The following PLEKHA5 variants were observed in gnomAD, a reference collection of about 807,000 sequenced individuals.
PLEKHA5 encodes the protein pleckstrin homology domain containing A5.
Under a neutral mutation model 181.9 loss-of-function variants are expected in PLEKHA5, and 55 were observed. That is an observed-to-expected ratio of 0.30 (90% CI 0.24 to 0.38). PLEKHA5 has a LOEUF of 0.38. PLEKHA5 is among the 10% of genes least tolerant of loss of function. The probability of loss-of-function intolerance (pLI) is 1.00; values close to 1 mark genes in which losing one functional copy is unlikely to be tolerated. For missense variants in PLEKHA5, 1,432 were observed against 1,549.5 expected, an observed-to-expected ratio of 0.92 and a Z score of 1.27; for synonymous variants, 535 against 529.4, an observed-to-expected ratio of 1.01 and a Z score of -0.15.
At chr12:19,165,168 T>C (rs2044016149) in intron 3 of PLEKHA5, among the ~76,000 whole-genome samples, 1 of 152,164 alleles carries the variant, frequency 6.6e-6, no homozygotes, top group Non-Finnish European at 1.5e-5. Context: ...AAAATTTCTT[T>C]TCTTGATGGG....
At chr12:19,250,193 T>C (rs1377027547) in intron 3 of PLEKHA5, among the ~76,000 whole-genome samples, 1 of 152,142 alleles carries the variant, frequency 6.6e-6, no homozygotes, top group Non-Finnish European at 1.5e-5. Flanking sequence ...ACACTGGCAT[T>C]GTATTTAGAA....
intron 15 of PLEKHA5, chr12:19,306,657 G>A (rs704161): frequency 0.93 from 1,316,977 of 1,418,436 alleles, 620,968 homozygotes; most frequent in Non-Finnish European, 0.98. Flanking sequence ...ATAGGTGACT[G>A]ATCTCCCCGG....
chr12:19,173,167 G>A (rs1476925089), intron 3 of PLEKHA5, among the ~76,000 whole-genome samples: 1 of 149,706 alleles, frequency 6.7e-6, no homozygotes, highest in Non-Finnish European at 1.5e-5. Flanking sequence ...GGGACTACAG[G>A]CGCCCGCCAC....
chr12:19,169,951 A>T (rs2045512921), intron 3 of PLEKHA5, among the ~76,000 whole-genome samples: 1 of 152,204 alleles, frequency 6.6e-6, no homozygotes, highest in African/African-American at 2.4e-5. Context: ...AATGAATGTT[A>T]ATCACTATCT....
chr12:19,320,718 A>G (rs2090433967), intron 18 of PLEKHA5, 94 bp downstream of exon 18: 1 of 574,250 alleles, frequency 1.7e-6, no homozygotes, highest in Non-Finnish European at 3.1e-6. Context: ...TCTTTCTCCC[A>G]AGTCCTCCAA....
chr12:19,214,472 G>A (rs910000201), intron 3 of PLEKHA5, among the ~76,000 whole-genome samples: 7 of 152,152 alleles, frequency 4.6e-5, no homozygotes, highest in South Asian at 2.1e-4. Flanking sequence ...CAACATCAAA[G>A]AATGGGAGTG....
intron 3 of PLEKHA5, among the ~76,000 whole-genome samples, chr12:19,182,549 T>A (rs1289049190): frequency 6.6e-6 from 1 of 152,224 alleles, no homozygotes; most frequent in Non-Finnish European, 1.5e-5. Context: ...TTAATTTGAG[T>A]ACTCTAACAA....
At chr12:19,231,599 C>T (rs1010741289) in intron 3 of PLEKHA5, among the ~76,000 whole-genome samples, 3 of 1,286 alleles carry the variant, frequency 2.3e-3, no homozygotes, top group East Asian at 0.042. Flanking sequence ...TATATGTACA[C>T]ATATATATAT....
chr12:19,218,424 GTAAT>G (rs1178677319), intron 3 of PLEKHA5, among the ~76,000 whole-genome samples: 1 of 152,194 alleles, frequency 6.6e-6, no homozygotes, highest in Admixed American at 6.5e-5. Context: ...TATATTTAAT[GTAAT>G]TGGCAAGAAT....
intron 3 of PLEKHA5, chr12:19,154,306 CTT>C (rs998588747): frequency 6.6e-6 from 1 of 151,706 alleles, no homozygotes; most frequent in Non-Finnish European, 1.5e-5. Flanking sequence ...GTTTTATAAA[CTT>C]TTTTTTAACT....
At chr12:19,142,125 C>T (rs1160180789) in intron 3 of PLEKHA5, among the ~76,000 whole-genome samples, 1 of 151,978 alleles carries the variant, frequency 6.6e-6, no homozygotes, top group Non-Finnish European at 1.5e-5. Context: ...TTTGGGAGGC[C>T]GAGGCAGGAG....
intron 20 of PLEKHA5, among the ~76,000 whole-genome samples, chr12:19,334,829 A>AAAATAT: frequency 9.7e-4 from 18 of 18,600 alleles, no homozygotes; most frequent in African/African-American, 2.1e-3. Context: ...AAAAAAAAAA[A>AAAATAT]ATATATATAT....
chr12:19,340,919 T>G lies in PLEKHA5; in HGVS notation c.2551-2404T>G, dbSNP rs1432599311. Reference sequence around the variant, plus strand: ...CCTGTGACCCTGCCAAATCCCCCTCTGCGAGAAACACCCAAGAATGATCAA... The same window carrying G: ...CCTGTGACCCTGCCAAATCCCCCTCGGCGAGAAACACCCAAGAATGATCAA... On this transcript the variant is annotated intron_variant, in intron 21 of 31. Coordinates refer to ENST00000429027, the MANE Select transcript of PLEKHA5 (RefSeq NM_001256470.2). 2.2e-5 allele frequency among the ~76,000 whole-genome samples: 3 copies of G among 139,034 alleles called. No individual in the cohort carries two copies. In the South Asian group the frequency reaches 6.9e-4, roughly 32 times the overall value. 91.2% of individuals were successfully genotyped at this position (139,034 alleles called of 152,430 possible).
intron 3 of PLEKHA5, among the ~76,000 whole-genome samples, chr12:19,240,969 G>A (rs180865272): frequency 4.8e-4 from 73 of 152,120 alleles, no homozygotes; most frequent in South Asian, 2.1e-3. Flanking sequence ...ATTCTGTTAT[G>A]TGGCTTTATA....
intron 3 of PLEKHA5, among the ~76,000 whole-genome samples, chr12:19,157,481 T>TTTTA (rs1353314603): frequency 2.0e-5 from 3 of 152,212 alleles, no homozygotes; most frequent in Non-Finnish European, 4.4e-5. Flanking sequence ...GGGTTTTTTT[T>TTTTA]TTTAGATTTT....
At chr12:19,232,376 A>G (rs773309765) in intron 3 of PLEKHA5, among the ~76,000 whole-genome samples, 7 of 152,144 alleles carry the variant, frequency 4.6e-5, no homozygotes, top group Non-Finnish European at 1.0e-4. Flanking sequence ...GCAAGTTATG[A>G]CAGAGTTCAG....
At chr12:19,336,274 AATGCTTTATTT>A (rs1211409458) in intron 20 of PLEKHA5, among the ~76,000 whole-genome samples, 1 of 152,246 alleles carries the variant, frequency 6.6e-6, no homozygotes, top group Non-Finnish European at 1.5e-5. Context: ...CAGATAAGAA[AATGCTTTATTT>A]ATGCCTCTTC....
intron 3 of PLEKHA5, among the ~76,000 whole-genome samples, chr12:19,244,608 A>G (rs1293175115): frequency 3.9e-5 from 6 of 152,254 alleles, no homozygotes; most frequent in Non-Finnish European, 7.3e-5. Flanking sequence ...CTTAAACTAA[A>G]TTAAATCTTT....
At chr12:19,326,773 C>T (rs756534896) in intron 20 of PLEKHA5, among the ~76,000 whole-genome samples, 1 of 152,110 alleles carries the variant, frequency 6.6e-6, no homozygotes, top group Non-Finnish European at 1.5e-5. Flanking sequence ...TTTATGTCCA[C>T]GAGTACCAGT....
Sources: allele counts gnomAD v4.1 joint callset (sites outside exome capture counted in the v4.1 genomes callset), GRCh38; gene constraint gnomAD v4.1.1; transcripts MANE v1.5; gene names NCBI Gene and HGNC (gene_info 2026-07-23, HGNC 2026-07-21).